Variants in HCRTR2 observed in about 807,000 individuals in gnomAD.
HCRTR2 encodes hypocretin receptor 2.
Under a neutral mutation model 49.0 loss-of-function variants are expected in HCRTR2, and 22 were observed. That is an observed-to-expected ratio of 0.45 (90% confidence interval 0.32 to 0.64). The LOEUF is 0.64. Ranked by LOEUF, HCRTR2 falls within the 30% of genes least tolerant of loss-of-function variation. The pLI is 0.04. For synonymous variants in HCRTR2, 236 were observed against 205.3 expected (o/e 1.15, Z -1.28); for missense variants, 491 against 559.4 (o/e 0.88, Z 1.23).
chr6:55,180,571 A>AG (rs36112546), intron 1 of HCRTR2, among the ~76,000 whole-genome samples: 4 of 138,218 alleles, frequency 2.9e-5, no homozygotes, highest in African/African-American at 9.8e-5. Context: ...TTACCTGTTC[A>AG]GGGGGTTGAC....
intron 1 of HCRTR2, among the ~76,000 whole-genome samples, chr6:55,245,481 A>C (rs1318649228): frequency 1.6e-5 from 2 of 124,546 alleles, no homozygotes; most frequent in Non-Finnish European, 3.3e-5. Context: ...ATATATATAT[A>C]TATATATATA....
chr6:55,216,334 G>C (rs1349115945), intron 1 of HCRTR2, among the ~76,000 whole-genome samples: 1 of 151,988 alleles, frequency 6.6e-6, no homozygotes, highest in African/African-American at 2.4e-5. Flanking sequence ...CATTCCCGTA[G>C]CCCCAAAGTC....
At chr6:55,194,604 T>A (rs1248158186) in intron 1 of HCRTR2, among the ~76,000 whole-genome samples, 1 of 152,170 alleles carries the variant, frequency 6.6e-6, no homozygotes, top group Non-Finnish European at 1.5e-5. Flanking sequence ...ACTATGGTAC[T>A]CCAAATCTTA....
intron 1 of HCRTR2, among the ~76,000 whole-genome samples, chr6:55,135,839 G>C (rs1026012117): frequency 6.6e-6 from 1 of 152,138 alleles, no homozygotes; most frequent in Non-Finnish European, 1.5e-5. Flanking sequence ...ACAACCTAGA[G>C]GGTCTCTAAG....
chr6:55,206,247 T>C (rs1347462129), intron 1 of HCRTR2, among the ~76,000 whole-genome samples: 1 of 152,062 alleles, frequency 6.6e-6, no homozygotes, highest in Non-Finnish European at 1.5e-5. Flanking sequence ...AAACTACTCA[T>C]TAAAATCTTT....
chr6:55,228,939 A>T (rs984622551), intron 1 of HCRTR2, among the ~76,000 whole-genome samples: 1 of 152,104 alleles, frequency 6.6e-6, no homozygotes, highest in African/African-American at 2.4e-5. Context: ...TTCAGGAACA[A>T]ACTTTGTATT....
intron 1 of HCRTR2, among the ~76,000 whole-genome samples, chr6:55,158,458 C>T (rs1764760355): frequency 6.6e-6 from 1 of 152,148 alleles, no homozygotes; most frequent in Non-Finnish European, 1.5e-5. Context: ...GAGACAGAAC[C>T]ATTCACTCTC....
At chr6:55,239,654 T>A (rs928185598) in intron 1 of HCRTR2, among the ~76,000 whole-genome samples, 1 of 152,156 alleles carries the variant, frequency 6.6e-6, no homozygotes, top group African/African-American at 2.4e-5. Flanking sequence ...ATTAACATAA[T>A]GAGCAAGTGG....
chr6:55,165,042 A>T (rs1764857259), intron 1 of HCRTR2, among the ~76,000 whole-genome samples: 1 of 152,218 alleles, frequency 6.6e-6, no homozygotes, highest in South Asian at 2.1e-4. Flanking sequence ...AAAAGAATGC[A>T]TCTTACCAGC....
chr6:55,162,198 A>C (rs1331806908), intron 1 of HCRTR2, among the ~76,000 whole-genome samples: 5 of 152,194 alleles, frequency 3.3e-5, no homozygotes, highest in African/African-American at 1.2e-4. Flanking sequence ...AAAATCAATA[A>C]ATGTAATTCA....
intron 1 of HCRTR2, among the ~76,000 whole-genome samples, chr6:55,207,024 C>T (rs1012010850): frequency 6.6e-6 from 1 of 151,984 alleles, no homozygotes; most frequent in African/African-American, 2.4e-5. Context: ...CATTGGTTTG[C>T]TTTGCTATAA....
intron 1 of HCRTR2, among the ~76,000 whole-genome samples, chr6:55,191,745 A>G (rs1485608010): frequency 1.3e-5 from 2 of 151,734 alleles, no homozygotes; most frequent in African/African-American, 4.8e-5. Flanking sequence ...TCTTCCAAGG[A>G]CTGGTCTACA....
At chr6:55,128,134 T>G (rs545819704) in intron 1 of HCRTR2, among the ~76,000 whole-genome samples, 1 of 152,110 alleles carries the variant, frequency 6.6e-6, no homozygotes, top group African/African-American at 2.4e-5. Flanking sequence ...TCAATTTTCT[T>G]CATATGGCTG....
intron 1 of HCRTR2, among the ~76,000 whole-genome samples, chr6:55,187,926 G>A (rs1054639980): frequency 2.6e-5 from 4 of 151,908 alleles, no homozygotes; most frequent in African/African-American, 4.8e-5. Flanking sequence ...ACAGGCGCAC[G>A]CCACCATGCC....
Position 55,114,339 on chromosome 6 carries a change from A to G in HCRTR2, c.-378+7794A>G, listed in dbSNP as rs146520916. On this transcript the variant is annotated intron_variant, in intron 1 of 7. Transcript: ENST00000615358. ...AAACTTGTTCTACACACAAAACAAC[A>G]CAAAATAGAACAAACAACTACCTAT... is the stretch of plus-strand genomic sequence containing the variant. Among the ~76,000 whole-genome samples, 3 of 151,960 alleles carry G rather than the reference A, an allele frequency of 2.0e-5. No homozygotes were observed. The East Asian group carries it at 5.8e-4, about 29-fold the overall frequency.
At chr6:55,198,487 T>G (rs1765457430) in intron 1 of HCRTR2, among the ~76,000 whole-genome samples, 1 of 152,134 alleles carries the variant, frequency 6.6e-6, no homozygotes, top group African/African-American at 2.4e-5. Flanking sequence ...CAACCCTAAC[T>G]TTAAACCTAC....
intron 4 of HCRTR2, among the ~76,000 whole-genome samples, chr6:55,270,855 A>G (rs935984667): frequency 6.6e-6 from 1 of 152,200 alleles, no homozygotes; most frequent in Non-Finnish European, 1.5e-5. Context: ...GGTACACAAC[A>G]TATACACCTA....
chr6:55,114,944 C>T (rs149295888), intron 1 of HCRTR2, among the ~76,000 whole-genome samples: 386 of 151,718 alleles, frequency 2.5e-3, no homozygotes, highest in Middle Eastern at 3.4e-3. Context: ...ACCAAAGACC[C>T]TTGTTTTCCA....
At chr6:55,228,070 G>A (rs1766044016) in intron 1 of HCRTR2, among the ~76,000 whole-genome samples, 1 of 152,100 alleles carries the variant, frequency 6.6e-6, no homozygotes, top group South Asian at 2.1e-4. Context: ...TTATACAAAT[G>A]CAGAAGTCAT....
Sources: gnomAD v4.1 joint callset for allele counts (sites outside exome capture counted in the v4.1 genomes callset) on GRCh38, gnomAD v4.1.1 for gene constraint, MANE v1.5 for transcripts, NCBI Gene and HGNC (gene_info 2026-07-23, HGNC 2026-07-21) for gene names.